The following TENM1 variants were observed in gnomAD, a reference collection of about 807,000 sequenced individuals.
TENM1 encodes the protein teneurin-1.
A neutral mutation model predicts 174.8 loss-of-function variants in TENM1; 35 were observed. That is an observed-to-expected ratio of 0.20 (90% confidence interval 0.15 to 0.27). The LOEUF (loss-of-function observed/expected upper bound fraction) is 0.27. Among genes scored for constraint, TENM1 ranks in the 10% least tolerant of loss-of-function variants. TENM1 has a pLI of 1.00. For missense variants in TENM1, 1,633 were observed against 2,130.1 expected (o/e 0.77, Z 4.59); for synonymous variants, 781 against 798.7 (o/e 0.98, Z 0.37).
intron 25 of TENM1, among the ~76,000 whole-genome samples, chrX:124,414,745 A>C (rs763448068): frequency 4.5e-5 from 5 of 111,828 alleles, no homozygotes; most frequent in African/African-American, 9.7e-5. Context: ...TCCCATTTGG[A>C]TTATCCACTG....
At position 124,640,833 on chromosome X, in the gene TENM1, C is replaced by T. The variant is rs193210212; in HGVS notation, c.2077+958G>A. ...AAAATTAGCCGGTCGTGGTGTCACG[C>T]GCCTGTAGTCCCAGCTACTCGGGAG... On this transcript the variant is annotated intron_variant, in intron 11 of 31. Transcript: ENST00000422452. Among the ~76,000 whole-genome samples the T allele has an allele frequency of 5.5e-3, 606 of 109,604 alleles. 3 individuals are homozygous for T. Among genetic ancestry groups the T allele is most frequent in the African/African-American group, 0.012 (350 of 29,990 alleles).
intron 14 of TENM1, among the ~76,000 whole-genome samples, chrX:124,555,131 C>A (rs1299628724): frequency 9.0e-6 from 1 of 111,560 alleles, no homozygotes; most frequent in Non-Finnish European, 1.9e-5. Flanking sequence ...GTAAAACTCA[C>A]AATGTTCTGT....
the TENM1 span, among the ~76,000 whole-genome samples, chrX:125,115,974 A>G: frequency 1.8e-5 from 2 of 111,649 alleles, no homozygotes; most frequent in Non-Finnish European, 3.8e-5. Context: ...TGGAGGCATC[A>G]CGCTACTTGA....
chrX:124,582,238 T>G (rs1381047807), intron 11 of TENM1, among the ~76,000 whole-genome samples: 3 of 112,573 alleles, frequency 2.7e-5, no homozygotes, highest in African/African-American at 9.7e-5. Flanking sequence ...GGCTGCATAG[T>G]ATTCCATGGT....
At chrX:124,560,383 T>C (rs955068775) in intron 14 of TENM1, among the ~76,000 whole-genome samples, 9 of 110,509 alleles carry the variant, frequency 8.1e-5, no homozygotes, top group African/African-American at 3.0e-4. Flanking sequence ...ATCATCAATA[T>C]CATCTTAATT....
intron 22 of TENM1, among the ~76,000 whole-genome samples, chrX:124,461,814 A>C (rs2061177423): frequency 9.0e-6 from 1 of 111,574 alleles, no homozygotes; most frequent in South Asian, 3.8e-4. Flanking sequence ...AAATCAGTAG[A>C]GTGATGTAGG....
At chrX:124,475,443 C>T (rs1179638194) in intron 22 of TENM1, among the ~76,000 whole-genome samples, 1 of 111,666 alleles carries the variant, frequency 9.0e-6, no homozygotes, top group East Asian at 2.8e-4. Flanking sequence ...ATTCAAGCTT[C>T]TCAGAAGAGT....
chrX:124,612,437 C>T (rs1217735115), intron 11 of TENM1, among the ~76,000 whole-genome samples: 1 of 111,237 alleles, frequency 9.0e-6, no homozygotes, highest in African/African-American at 3.3e-5. Flanking sequence ...ATGTTGAAAT[C>T]TACTAGGTTG....
At chrX:124,982,270 G>GAA in the TENM1 span, among the ~76,000 whole-genome samples, 7 of 10,531 alleles carry the variant, frequency 6.6e-4, no homozygotes, top group East Asian at 1.6e-3. Flanking sequence ...AAGAAAATGT[G>GAA]AAAAAAAAAA....
At chrX:124,463,729 G>T (rs1264445943) in intron 22 of TENM1, among the ~76,000 whole-genome samples, 1 of 110,805 alleles carries the variant, frequency 9.0e-6, no homozygotes, top group Non-Finnish European at 1.9e-5. Flanking sequence ...CGTGCAACTC[G>T]CTAAGGAAGA....
At chrX:124,456,067 C>T (rs1291560530) in intron 22 of TENM1, among the ~76,000 whole-genome samples, 1 of 111,887 alleles carries the variant, frequency 8.9e-6, no homozygotes, top group African/African-American at 3.2e-5. Context: ...GATCTAAACA[C>T]TGTGAACTTC....
chrX:125,108,852 T>A, the TENM1 span, among the ~76,000 whole-genome samples: 8 of 110,298 alleles, frequency 7.3e-5, no homozygotes, highest in Non-Finnish European at 1.1e-4. Flanking sequence ...ATTACAATTA[T>A]CATTGTAATT....
chrX:125,145,525 AC>A, the TENM1 span, among the ~76,000 whole-genome samples: 1 of 112,708 alleles, frequency 8.9e-6, no homozygotes, highest in African/African-American at 3.2e-5. Flanking sequence ...GCAAAATGTA[AC>A]CATATATTTA....
At chrX:124,641,820 G>A (rs1175581875) in exon 11 of TENM1, 1 of 1,211,477 alleles carries the variant, frequency 8.3e-7, no homozygotes, top group Non-Finnish European at 1.1e-6. Flanking sequence ...TGTCCACTTG[G>A]GATCACAGCT....
intron 18 of TENM1, among the ~76,000 whole-genome samples, chrX:124,511,456 T>C (rs2047582517): frequency 1.8e-5 from 2 of 110,821 alleles, no homozygotes; most frequent in Non-Finnish European, 3.8e-5. Context: ...GTAAGGTGGG[T>C]TGGTTACTTT....
chrX:125,170,557 A>G, the TENM1 span, among the ~76,000 whole-genome samples: 5 of 111,429 alleles, frequency 4.5e-5, no homozygotes, highest in East Asian at 1.4e-3. Flanking sequence ...AAAAGAACAA[A>G]AAATGACTGT....
chrX:125,134,119 T>A, the TENM1 span, among the ~76,000 whole-genome samples: 1 of 111,542 alleles, frequency 9.0e-6, no homozygotes, highest in Non-Finnish European at 1.9e-5. Context: ...GAATAAGTGT[T>A]TTGTTCATAT....
chrX:125,009,451 G>A, the TENM1 span, among the ~76,000 whole-genome samples: 1 of 111,377 alleles, frequency 9.0e-6, no homozygotes, highest in Non-Finnish European at 1.9e-5. Flanking sequence ...TCTACCAGAG[G>A]TACAAAGAGG....
intron 11 of TENM1, among the ~76,000 whole-genome samples, chrX:124,627,580 C>A (rs1450188817): frequency 2.7e-5 from 3 of 111,588 alleles, no homozygotes; most frequent in African/African-American, 9.8e-5. Context: ...TGATCCCGAG[C>A]CACCTCTGTC....
Sources: gnomAD v4.1 joint callset for allele counts (sites outside exome capture counted in the v4.1 genomes callset) on GRCh38, gnomAD v4.1.1 for gene constraint, MANE v1.5 for transcripts, NCBI Gene and HGNC (gene_info 2026-07-23, HGNC 2026-07-21) for gene names.